The following EFTUD2 variants were observed in gnomAD, a reference collection of about 807,000 sequenced individuals.
EFTUD2 encodes 116 kDa U5 small nuclear ribonucleoprotein component.
In EFTUD2, 9 loss-of-function variants were observed where a neutral mutation model predicts 114.3. The ratio of observed to expected loss-of-function variants is 0.08; its 90% CI spans 0.05 to 0.14. The LOEUF (loss-of-function observed/expected upper bound fraction) is 0.14. EFTUD2 is among the 10% of genes least tolerant of loss of function. The probability of loss-of-function intolerance (pLI) is 1.00; values close to 1 mark genes in which losing one functional copy is unlikely to be tolerated. For missense variants in EFTUD2, 765 were observed against 1,241.2 expected (o/e 0.62, Z 5.76); for synonymous variants, 449 against 462.3 (o/e 0.97, Z 0.37).
chr17:44,875,244 A>G (rs1007325531), intron 10 of EFTUD2, among the ~76,000 whole-genome samples: 1 of 152,070 alleles, frequency 6.6e-6, no homozygotes, highest in African/African-American at 2.4e-5. Flanking sequence ...AAATTAAAAA[A>G]AATTGGCCGG....
chr17:44,856,986 A>G, intron 20 of EFTUD2, 89 bp downstream of exon 20: 1 of 1,095,086 alleles, frequency 9.1e-7, no homozygotes, highest in South Asian at 1.3e-5. Flanking sequence ...CTATGTGCAT[A>G]GTGCTCATGG....
chr17:44,854,134 C>T lies in EFTUD2; in HGVS notation c.2347+135G>A. ...AGGAAGGAAAAGGGAAGAAGCTGGC[C>T]CAGGACTTGGGATGGTCCTGTGTAC... On this transcript the variant is annotated intron_variant, in intron 23 of 27. Transcript: ENST00000426333. This position sits in a 1 kb window ranked among gnomAD's most constrained non-coding sequence, Gnocchi z 4.3. The T allele has an allele frequency of 2.1e-6, 3 of 1,412,184 alleles. No individual in the cohort carries two copies. The South Asian group carries it at 4.6e-5, about 22-fold the overall frequency. The allele number at this position is 1,412,184 out of a possible 1,614,324, so 87.5% of individuals were successfully genotyped here.
At chr17:44,874,258 T>C (rs1023456115) in intron 10 of EFTUD2, among the ~76,000 whole-genome samples, 1 of 152,148 alleles carries the variant, frequency 6.6e-6, no homozygotes, top group Non-Finnish European at 1.5e-5. Flanking sequence ...TTGCCCAGGC[T>C]GGCCTTGAAC....
At chr17:44,861,114 T>C (rs944695690) in intron 16 of EFTUD2, among the ~76,000 whole-genome samples, 1 of 152,176 alleles carries the variant, frequency 6.6e-6, no homozygotes, top group South Asian at 2.1e-4. Context: ...GGTAAAAAGC[T>C]GCCCAAGGTG....
intron 17 of EFTUD2, 59 bp from the exon 18 acceptor site, chr17:44,860,104 A>C: frequency 1.2e-6 from 2 of 1,611,126 alleles, no homozygotes; most frequent in South Asian, 2.2e-5. Context: ...CAGAAAGTGC[A>C]GAGGTATGAG....
intron 2 of EFTUD2, among the ~76,000 whole-genome samples, chr17:44,893,256 G>A (rs2051315022): frequency 6.6e-6 from 1 of 151,974 alleles, no homozygotes; most frequent in South Asian, 2.1e-4. Context: ...CCAAGCAGCT[G>A]GGACTACAGG....
chr17:44,868,192 A>T, intron 12 of EFTUD2, 95 bp downstream of exon 12: 3 of 1,035,950 alleles, frequency 2.9e-6, no homozygotes, highest in Non-Finnish European at 4.1e-6. Flanking sequence ...AAAAAAAAGT[A>T]GGTATTTAAT....
At chr17:44,898,324 T>A (rs888177246) in intron 1 of EFTUD2, among the ~76,000 whole-genome samples, 37 of 152,154 alleles carry the variant, frequency 2.4e-4, no homozygotes, top group African/African-American at 8.7e-4. Flanking sequence ...TTCAAGCGAT[T>A]CTCCTGCCTC....
chr17:44,856,923 T>C, intron 20 of EFTUD2, 152 bp downstream of exon 20: 1 of 606,610 alleles, frequency 1.6e-6, no homozygotes. Context: ...CTGAGAGGGC[T>C]GGAGTGAAAC....
Position 44,883,638 on chromosome 17 carries a change from T to C in EFTUD2, c.426+11A>G. The C allele has an allele frequency of 6.2e-7, 1 of 1,612,998 alleles. No homozygotes were observed. Among genetic ancestry groups the C allele is most frequent in the African/African-American group, 1.3e-5 (1 of 75,002 alleles). ...AAATCCTGTTCCAAGTAGCTGAAAG[T>C]TCCGTCTTACCTTGCCATGGTGGAG... On this transcript the variant is annotated intron_variant, in intron 5 of 27. Transcript: ENST00000426333.
At chr17:44,852,176 C>G (rs1472725771) in intron 26 of EFTUD2, among the ~76,000 whole-genome samples, 1 of 152,072 alleles carries the variant, frequency 6.6e-6, no homozygotes, top group African/African-American at 2.4e-5. Context: ...CTCAGCCTCC[C>G]AAAGTGCTGG....
At position 44,854,345 on chromosome 17, in the gene EFTUD2, A is replaced by G; in HGVS notation, c.2271T>C (p.Ala757=). 1 of 1,613,752 alleles carries G rather than the reference A, an allele frequency of 6.2e-7. No homozygotes were observed. The highest frequency in any genetic ancestry group is 2.2e-5 in the East Asian group (1 of 44,876). ...DDTLPSEVDK[A]LLGSVKDSIV... ...TGCTGTCCTTCACTGAACCAAGAAG[A>G]GCCTTGTCCACCTATAGAGAAACAT... Residue 757 remains alanine (A), a synonymous_variant, in exon 23 of 28, where the codon GCT becomes GCC. Transcript: ENST00000426333. The surrounding 1 kb of genome is among the most constrained non-coding windows in gnomAD (Gnocchi z 4.3).
At chr17:44,867,704 T>A (rs367960428) in intron 13 of EFTUD2, 103 bp downstream of exon 13, 4 of 1,041,236 alleles carry the variant, frequency 3.8e-6, no homozygotes, top group East Asian at 3.0e-5. Context: ...ATACTTGACA[T>A]AAAACTGAGC....
At position 44,854,622 on chromosome 17, in the gene EFTUD2, G is replaced by A. The variant is rs2050514638; in HGVS notation, c.2193C>T (p.Ser731=). The change falls in exon 22 of 28, where the codon TCC becomes TCT. Residue 731 remains serine, a synonymous_variant. Transcript: ENST00000426333. This position sits in a 1 kb window ranked among gnomAD's most constrained non-coding sequence, Gnocchi z 4.3. The part of the protein sequence containing the change: ...KYDWDLLAAR[S]IWAFGPDATG... Reference sequence around the variant, plus strand: ...TCGCATCAGGGCCAAAAGCCCAGATGGAACGGGCAGCCAGCAGATCCCAAT... The same window carrying A: ...TCGCATCAGGGCCAAAAGCCCAGATAGAACGGGCAGCCAGCAGATCCCAAT... 5 of 1,614,188 alleles carry A rather than the reference G, an allele frequency of 3.1e-6. No homozygotes were observed. The highest frequency in any genetic ancestry group is 2.2e-5 in the East Asian group (1 of 44,880).
In EFTUD2 at chr17:44,879,578, A is replaced by T. The variant is rs2051032558; in HGVS notation, c.680T>A (p.Leu227His). ...AGLRISDGVV[L>H]FIDAAEGVML... ...CACCCCCTCAGCAGCATCAATGAAA[A>T]GGACCACTCCATCTGAGATGCGCAA... Residue 227 changes from leucine (L) to histidine (H), a missense_variant, in exon 9 of 28, where the codon CTT becomes CAT. Leu to His is a moderately conservative substitution (Grantham distance 99, BLOSUM62 -3). Coordinates refer to ENST00000426333, the MANE Select transcript of EFTUD2 (RefSeq NM_004247.4). 6.2e-7 allele frequency: 1 copy of T among 1,613,838 alleles called. No individual in the cohort carries two copies. The highest frequency in any genetic ancestry group is 8.5e-7 in the Non-Finnish European group (1 of 1,179,938).
Position 44,863,658 on chromosome 17 carries a change from A to C in EFTUD2, c.1410T>G (p.Pro470=), listed in dbSNP as rs73986406. Residue 470 remains proline (P), a synonymous_variant, in exon 15 of 28, where the codon CCT becomes CCG. Transcript: ENST00000426333. The part of the protein sequence containing the change: ...DLGEAMSDCD[P]DGPLMCHTTK... Reference sequence around the variant, plus strand: ...CCGGGGAGCCACATGCCCTTACATCAGGGTCACAGTCACTCATAGCCTCGC... The same window carrying C: ...CCGGGGAGCCACATGCCCTTACATCCGGGTCACAGTCACTCATAGCCTCGC... The C allele has an allele frequency of 1.2e-5, 19 of 1,612,974 alleles. No homozygotes were observed. The African/African-American group carries it at 2.4e-4, about 20-fold the overall frequency.
chr17:44,884,374 C>T (rs767593726), intron 4 of EFTUD2: 1 of 152,138 alleles, frequency 6.6e-6, no homozygotes, highest in African/African-American at 2.4e-5. Flanking sequence ...TAAAAATTAG[C>T]TGAACGTGGT....
chr17:44,874,914 A>G (rs2145512455), intron 10 of EFTUD2, among the ~76,000 whole-genome samples: 1 of 152,368 alleles, frequency 6.6e-6, no homozygotes, highest in South Asian at 2.1e-4. Flanking sequence ...TTCTTATAAC[A>G]TCCCTTGTAA....
chr17:44,876,892 C>G (rs1313449486), intron 9 of EFTUD2, among the ~76,000 whole-genome samples: 1 of 149,648 alleles, frequency 6.7e-6, no homozygotes, highest in Non-Finnish European at 1.5e-5. Flanking sequence ...CTACTCCCCA[C>G]TATGAGCCAG....
Sources: gnomAD v4.1 joint callset for allele counts (sites outside exome capture counted in the v4.1 genomes callset) on GRCh38, gnomAD v4.1.1 for gene constraint, Gnocchi (gnomAD v3.1) non-coding constraint, MANE v1.5 for transcripts, NCBI Gene and HGNC (gene_info 2026-07-23, HGNC 2026-07-21) for gene names.